SYNE2: variants seen among roughly 807,000 people sequenced by gnomAD.
SYNE2 encodes spectrin repeat containing nuclear envelope protein 2.
SYNE2 carries 431 observed loss-of-function variants against 856.3 expected under a neutral mutation model. The observed-to-expected ratio is 0.50, with a 90% CI of 0.47 to 0.55. The LOEUF is 0.55. SYNE2 is among the 20% of genes least tolerant of loss of function. The pLI is 0.00. For synonymous variants in SYNE2, 2,923 were observed against 2,872.3 expected, an observed-to-expected ratio of 1.02 and a Z score of -0.56; for missense variants, 8,129 against 8,023.2, an observed-to-expected ratio of 1.01 and a Z score of -0.50.
At chr14:63,829,850 C>A (rs1431768419) in intron 1 of SYNE2, among the ~76,000 whole-genome samples, 1 of 152,036 alleles carries the variant, frequency 6.6e-6, no homozygotes, top group Non-Finnish European at 1.5e-5. Flanking sequence ...AACTCCTGGG[C>A]TCAAGTAATC....
chr14:64,017,624 A>G lies in SYNE2; in HGVS notation c.4917A>G (p.Glu1639=). ...ATGAGAAGACAGAAGATTACTATGA[A>G]AATCTTGGTCGAGCTCTAGCTTTGT... ...DINEKTEDYY[E]NLGRALALWD... is the part of the protein sequence containing the mutation. The change falls in exon 34 of 116, where the codon GAA becomes GAG. Residue 1639 remains glutamate, a synonymous_variant. Coordinates refer to ENST00000555002, the MANE Select transcript of SYNE2 (RefSeq NM_182914.3). 6.2e-7 allele frequency: 1 copy of G among 1,612,962 alleles called. No homozygotes were observed. The highest frequency in any genetic ancestry group is 8.5e-7 in the Non-Finnish European group (1 of 1,179,238).
In SYNE2 at chr14:63,935,550, A is replaced by C. The variant is rs549687336; in HGVS notation, c.80-5064A>C. ...ACATATTGCAGGCCAAATACCAACA[A>C]TTTCAATTCACTATGACTATTAGAT... On this transcript the variant is annotated intron_variant, in intron 2 of 115. Coordinates refer to ENST00000555002, the MANE Select transcript of SYNE2 (RefSeq NM_182914.3). 5.4e-4 allele frequency among the ~76,000 whole-genome samples: 82 copies of C among 152,360 alleles called. 2 individuals carry two copies. The highest frequency in any genetic ancestry group is 1.0e-3 in the Non-Finnish European group (68 of 68,042).
chr14:64,128,420 A>G, intron 73 of SYNE2, 32 bp from the exon 74 acceptor site: 1 of 1,185,086 alleles, frequency 8.4e-7, no homozygotes, highest in Non-Finnish European at 1.3e-6. Flanking sequence ...GGCCTAAATG[A>G]GATTGCTCAG....
At chr14:63,850,847 G>A (rs1443224236), upstream of SYNE2, among the ~76,000 whole-genome samples, 1 of 152,122 alleles carries the variant, frequency 6.6e-6, no homozygotes, top group African/African-American at 2.4e-5. Flanking sequence ...CAATGACTAG[G>A]AAATTGTAAC....
In SYNE2 at chr14:64,141,357, T is replaced by C. The variant is rs1463128504; in HGVS notation, c.14993T>C (p.Val4998Ala). The stretch of plus-strand genomic sequence containing the variant: ...CTCCTTTAGGAGTTTTCAAAAGAAG[T>C]TGATGAAAAATCCTCCTTGAAGACT... ...INNFFEFSKE[V>A]DEKSSLKTAV... The change falls in exon 81 of 116, where the codon GTT becomes GCT. Residue 4998 changes from valine to alanine, a missense_variant. Val to Ala is a moderately conservative substitution (Grantham distance 64). Coordinates refer to ENST00000555002, the MANE Select transcript of SYNE2 (RefSeq NM_182914.3). The C allele has an allele frequency of 1.9e-6, 3 of 1,613,184 alleles. No individual in the cohort carries two copies. In the East Asian group the frequency reaches 6.7e-5, roughly 36 times the overall value.
chr14:63,789,788 G>C (rs201712865), intron 1 of SYNE2, among the ~76,000 whole-genome samples: 1 of 132,802 alleles, frequency 7.5e-6, no homozygotes, highest in Non-Finnish European at 1.7e-5. Flanking sequence ...AAAAAAAAAA[G>C]AAGAAGAAGT....
chr14:63,977,916 T>C lies in SYNE2; in HGVS notation c.1305T>C (p.Asp435=), dbSNP rs1442251443. ...GAATTTCTTTTCAGAGCCTGATGGA[T>C]AGATTTGAGCATCATTCGAACATTC... ...EKMTLFKSLM[D]RFEHHSNILL... is the part of the protein sequence containing the mutation. Residue 435 remains aspartate, a synonymous_variant, in exon 13 of 116, where the codon GAT becomes GAC. Transcript: ENST00000555002. 3 of 1,612,504 alleles carry C rather than the reference T, an allele frequency of 1.9e-6. No individual in the cohort carries two copies. The highest frequency in any genetic ancestry group is 2.5e-6 in the Non-Finnish European group (3 of 1,178,576).
In SYNE2 at chr14:64,226,258, G is replaced by A. The variant is rs886050609; in HGVS notation, c.*732G>A. The A allele has an allele frequency of 7.2e-6, 1 of 138,126 alleles. No homozygotes were observed. Among genetic ancestry groups the A allele is most frequent in the Admixed American group, 8.1e-5 (1 of 12,396 alleles). 8.6% of individuals were successfully genotyped at this position (138,126 alleles called of 1,614,324 possible). On this transcript the variant is annotated 3_prime_UTR_variant, in exon 116 of 116. Transcript: ENST00000555002. ...AATGCCAAACTACCGACTTGATAGG[G>A]ATGTTTTTGTAAGTTAATTTTCTAA...
chr14:64,225,597 C>A lies in SYNE2; in HGVS notation c.*71C>A. On this transcript the variant is annotated 3_prime_UTR_variant, in exon 116 of 116. Transcript: ENST00000555002. ...GGGTGCCCAGCACGTGGCCCCAGAC[C>A]AATCTGAGTGACTTAGTGTTGGCAA... The A allele has an allele frequency of 6.6e-7, 1 of 1,507,696 alleles. No homozygotes were observed. The highest frequency in any genetic ancestry group is 9.1e-7 in the Non-Finnish European group (1 of 1,094,708). The allele number at this position is 1,507,696 out of a possible 1,614,324, so 93.4% of individuals were successfully genotyped here.
At chr14:63,858,423 A>G (rs954175130) in intron 1 of SYNE2, among the ~76,000 whole-genome samples, 19 of 142,228 alleles carry the variant, frequency 1.3e-4, no homozygotes, top group African/African-American at 4.1e-4. Context: ...CACCCAGCCT[A>G]TTTTTTTTTT....
intron 96 of SYNE2, among the ~76,000 whole-genome samples, chr14:64,179,442 A>T (rs2098448561): frequency 6.6e-6 from 1 of 152,226 alleles, no homozygotes; most frequent in Non-Finnish European, 1.5e-5. Context: ...CGCCTGGCCT[A>T]CAATGTAACT....
intron 65 of SYNE2, among the ~76,000 whole-genome samples, chr14:64,111,496 C>CT (rs975006005): frequency 1.1e-4 from 17 of 151,936 alleles, no homozygotes; most frequent in African/African-American, 2.4e-4. Context: ...ACAACTGTTG[C>CT]TTTTTTTAAA....
At chr14:64,080,763 C>T in intron 56 of SYNE2, 125 bp downstream of exon 56, 5 of 1,189,626 alleles carry the variant, frequency 4.2e-6, no homozygotes, top group Non-Finnish European at 4.9e-6. Flanking sequence ...GAAGCTGGGG[C>T]CATGGTAGGC....
At chr14:63,774,488 A>G (rs1464746698) in intron 1 of SYNE2, among the ~76,000 whole-genome samples, 1 of 135,250 alleles carries the variant, frequency 7.4e-6, no homozygotes, top group Non-Finnish European at 1.7e-5. Flanking sequence ...AAAAAAAAAG[A>G]AAAAAAGAAA....
chr14:63,980,999 G>A lies in SYNE2; in HGVS notation c.1662G>A (p.Gln554=). 6.4e-7 allele frequency: 1 copy of A among 1,556,456 alleles called. No homozygotes were observed. Among genetic ancestry groups the A allele is most frequent in the Non-Finnish European group, 8.8e-7 (1 of 1,133,668 alleles). Residue 554 remains glutamine (Q), a synonymous_variant, in exon 16 of 116, where the codon CAG becomes CAA. Coordinates refer to ENST00000555002, the MANE Select transcript of SYNE2 (RefSeq NM_182914.3). ...EIYKNLAGEC[Q]NINKQYMMVK... ...TTAATATTGTAGCTGGAGAATGTCA[G>A]AATATTAATAAACAGTATATGATGG... is the stretch of plus-strand genomic sequence containing the variant.
intron 104 of SYNE2, 126 bp downstream of exon 104, chr14:64,212,224 C>T: frequency 6.8e-7 from 1 of 1,461,328 alleles, no homozygotes; most frequent in South Asian, 1.2e-5. Context: ...AGCCAGGCTA[C>T]ATCCCACCTG....
At chr14:63,868,516 G>C (rs938881622) in intron 1 of SYNE2, among the ~76,000 whole-genome samples, 36 of 150,820 alleles carry the variant, frequency 2.4e-4, no homozygotes, top group African/African-American at 8.7e-4. Flanking sequence ...TGAAATCTTA[G>C]TAATAAACCC....
chr14:64,122,179 T>C, intron 69 of SYNE2, 46 bp downstream of exon 69: 1 of 1,614,132 alleles, frequency 6.2e-7, no homozygotes, highest in Non-Finnish European at 8.5e-7. Flanking sequence ...GTTTTATGAC[T>C]GGGAGAATTA....
In SYNE2 at chr14:64,098,396, A is replaced by G. The variant is rs1595501479; in HGVS notation, c.12306+250A>G. On this transcript the variant is annotated intron_variant, in intron 62 of 115. Transcript: ENST00000555002. ...GACATGCTTATAAAATTTCACAGGC[A>G]GGTGGATCAAGCCTCCCTTTGAAGT... The G allele has an allele frequency of 5.0e-6, 3 of 602,566 alleles. No homozygotes were observed. The East Asian group carries it at 8.5e-5, about 17-fold the overall frequency. The allele number at this position is 602,566 out of a possible 1,614,324, so 37.3% of individuals were successfully genotyped here. A position where few individuals can be genotyped will look rare whatever the true frequency, so the allele number is the denominator to read the frequency against.
Sources: allele counts gnomAD v4.1 joint callset (sites outside exome capture counted in the v4.1 genomes callset), GRCh38; gene constraint gnomAD v4.1.1; transcripts MANE v1.5; gene names NCBI Gene and HGNC (gene_info 2026-07-23, HGNC 2026-07-21).